The following LDLRAD4 variants were observed in gnomAD, a reference collection of about 807,000 sequenced individuals.
LDLRAD4 encodes the protein low-density lipoprotein receptor class A domain-containing protein 4.
In LDLRAD4, 5 loss-of-function variants were observed where a neutral mutation model predicts 17.0. The observed-to-expected ratio is 0.29, with a 90% CI of 0.15 to 0.62. The LOEUF (loss-of-function observed/expected upper bound fraction) is 0.62, where lower values mean the gene tolerates loss of function less well. Ranked by LOEUF, LDLRAD4 falls within the 20% of genes least tolerant of loss-of-function variation. The pLI is 0.84. For synonymous variants in LDLRAD4, 168 were observed against 171.8 expected (o/e 0.98, Z 0.17); for missense variants, 340 against 424.7 (o/e 0.80, Z 1.75).
chr18:13,576,437 A>AAAAAAGAAAG (rs1555750703), intron 3 of LDLRAD4, among the ~76,000 whole-genome samples: 5 of 83,598 alleles, frequency 6.0e-5, no homozygotes, highest in Admixed American at 1.4e-4. Flanking sequence ...AAAAAAAAAA[A>AAAAAAGAAAG]AAAGAAAGAA....
chr18:13,342,094 G>A (rs1304965168), intron 1 of LDLRAD4, among the ~76,000 whole-genome samples: 2 of 151,960 alleles, frequency 1.3e-5, no homozygotes, highest in Non-Finnish European at 2.9e-5. Flanking sequence ...TCCCTTGATC[G>A]TATTGTATAA....
chr18:13,244,588 A>G (rs570222649), intron 1 of LDLRAD4, among the ~76,000 whole-genome samples: 6 of 152,326 alleles, frequency 3.9e-5, no homozygotes, highest in African/African-American at 1.2e-4. Flanking sequence ...TGAAATCTTT[A>G]AACATCTTTA....
chr18:13,580,616 G>A (rs964331714), intron 3 of LDLRAD4, among the ~76,000 whole-genome samples: 2 of 152,176 alleles, frequency 1.3e-5, no homozygotes, highest in African/African-American at 4.8e-5. Context: ...GGTGGCCACT[G>A]CTGACAGAGG....
chr18:13,495,199 T>C (rs903454988), intron 3 of LDLRAD4, among the ~76,000 whole-genome samples: 8 of 152,184 alleles, frequency 5.3e-5, no homozygotes, highest in Non-Finnish European at 1.0e-4. Flanking sequence ...TACAGTTTCA[T>C]CATAAATTAC....
At chr18:13,270,873 ATG>A (rs144269679) in intron 1 of LDLRAD4, among the ~76,000 whole-genome samples, 2 of 152,214 alleles carry the variant, frequency 1.3e-5, no homozygotes, top group African/African-American at 4.8e-5. Flanking sequence ...TGTGATATGT[ATG>A]TGTGTGTGTA....
chr18:13,456,307 C>T (rs1286065980), intron 3 of LDLRAD4, among the ~76,000 whole-genome samples: 1 of 152,182 alleles, frequency 6.6e-6, no homozygotes, highest in Non-Finnish European at 1.5e-5. Context: ...CCTGAGCGTG[C>T]CACATCTACA....
At chr18:13,494,678 A>ATATAAAATTATATTTATATATTATAT (rs373444135) in intron 3 of LDLRAD4, among the ~76,000 whole-genome samples, 1 of 9,688 alleles carries the variant, frequency 1.0e-4, no homozygotes, top group African/African-American at 1.7e-4. Flanking sequence ...TTAATAATAT[A>ATATAAAATTATATTTATATATTATAT]ATATATTATT....
intron 2 of LDLRAD4, among the ~76,000 whole-genome samples, chr18:13,422,253 G>C (rs1298141585): frequency 2.0e-5 from 3 of 152,192 alleles, no homozygotes; most frequent in African/African-American, 4.8e-5. Flanking sequence ...GGGGAGACTA[G>C]ACAGAGAGAA....
At chr18:13,342,722 A>G (rs868452848) in intron 1 of LDLRAD4, among the ~76,000 whole-genome samples, 2 of 151,730 alleles carry the variant, frequency 1.3e-5, no homozygotes, top group Non-Finnish European at 2.9e-5. Context: ...TTCAACCTGT[A>G]TGTGTCCTTA....
chr18:13,414,894 T>C (rs949026682), intron 2 of LDLRAD4, among the ~76,000 whole-genome samples: 2 of 152,344 alleles, frequency 1.3e-5, no homozygotes, highest in East Asian at 3.9e-4. Context: ...ATGGAAGTGT[T>C]TTTTGGGCAA....
At chr18:13,330,019 G>A (rs186200337) in intron 1 of LDLRAD4, among the ~76,000 whole-genome samples, 1 of 151,358 alleles carries the variant, frequency 6.6e-6, no homozygotes, top group Non-Finnish European at 1.5e-5. Context: ...GCAGTGGCGC[G>A]ATCTCCGCTC....
intron 2 of LDLRAD4, among the ~76,000 whole-genome samples, chr18:13,414,769 G>C (rs190592192): frequency 1.4e-3 from 209 of 152,302 alleles, no homozygotes; most frequent in African/African-American, 4.8e-3. Context: ...TTCTGTCCTT[G>C]GACTGTGTAG....
intron 1 of LDLRAD4, among the ~76,000 whole-genome samples, chr18:13,384,864 G>T (rs2085670748): frequency 1.3e-5 from 2 of 152,186 alleles, no homozygotes; most frequent in African/African-American, 4.8e-5. Context: ...TGCATACCAT[G>T]TTGTCTTTAT....
rs373991921 is a variant in LDLRAD4 at position 13,645,087 on chromosome 18, C to T, written c.391-40C>T. ...TCTGACACATTTATGGTCATCATTG[C>T]GCTCAAACTGTCTTCAAGCCTCTCC... On this transcript the variant is annotated intron_variant, in intron 5 of 5. Coordinates refer to ENST00000359446, the Ensembl canonical transcript of LDLRAD4. This position sits in a 1 kb window ranked among gnomAD's most constrained non-coding sequence, Gnocchi z 5.7. The T allele has an allele frequency of 4.8e-5, 73 of 1,526,746 alleles. No individual in the cohort carries two copies. The highest frequency in any genetic ancestry group is 2.3e-4 in the African/African-American group (17 of 73,054). The allele number at this position is 1,526,746 out of a possible 1,614,324, so 94.6% of individuals were successfully genotyped here.
chr18:13,562,291 G>A (rs1218642307), intron 3 of LDLRAD4, among the ~76,000 whole-genome samples: 1 of 152,178 alleles, frequency 6.6e-6, no homozygotes, highest in African/African-American at 2.4e-5. Flanking sequence ...CTTGATCCCG[G>A]TGACCCAGAC....
intron 3 of LDLRAD4, among the ~76,000 whole-genome samples, chr18:13,482,747 G>A (rs752878916): frequency 3.0e-4 from 45 of 152,222 alleles, no homozygotes; most frequent in Non-Finnish European, 4.1e-4. Context: ...GTAGTGACAA[G>A]TTATGGGAAG....
chr18:13,593,320 A>G (rs1311571704), intron 3 of LDLRAD4, among the ~76,000 whole-genome samples: 1 of 152,158 alleles, frequency 6.6e-6, no homozygotes, highest in Non-Finnish European at 1.5e-5. Context: ...CTTAAAAAAC[A>G]AAAAACAAAA....
intron 1 of LDLRAD4, among the ~76,000 whole-genome samples, chr18:13,316,996 A>G (rs115252970): frequency 1.5e-4 from 23 of 152,326 alleles, no homozygotes; most frequent in African/African-American, 5.5e-4. Context: ...GTCAAACTGA[A>G]TATTTAAAAA....
chr18:13,273,165 C>T (rs374730069), upstream of LDLRAD4, among the ~76,000 whole-genome samples: 29 of 152,132 alleles, frequency 1.9e-4, no homozygotes, highest in Admixed American at 1.3e-3. Flanking sequence ...CTGAAAAAAA[C>T]ATCATAAAGC....
Sources: gnomAD v4.1 joint callset for allele counts (sites outside exome capture counted in the v4.1 genomes callset) on GRCh38, gnomAD v4.1.1 for gene constraint, Gnocchi (gnomAD v3.1) non-coding constraint, MANE v1.5 for transcripts, NCBI Gene and HGNC (gene_info 2026-07-23, HGNC 2026-07-21) for gene names.